The following DCAF8L2 variants were observed in gnomAD, a reference collection of about 807,000 sequenced individuals.
DCAF8L2 encodes DDB1- and CUL4-associated factor 8-like protein 2.
For synonymous variants in DCAF8L2, 200 were observed against 190.9 expected (o/e 1.05, Z -0.39); for missense variants, 430 against 490.7 (o/e 0.88, Z 1.17).
At position 27,694,943 on chromosome X, in the gene DCAF8L2, T is replaced by G. The variant is rs190362967; in HGVS notation, c.-143+17031T>G. Among the ~76,000 whole-genome samples the G allele has an allele frequency of 1.7e-3, 195 of 112,322 alleles. 2 individuals carry two copies. Among genetic ancestry groups the G allele is most frequent in the African/African-American group, 5.9e-3 (183 of 31,004 alleles). ...CAACTACACTGTAGGATATTTTTAT[T>G]CAAGAAGGACCACCTCATAGAGTTG... On this transcript the variant is annotated intron_variant, in intron 3 of 4. Coordinates refer to ENST00000451261, the MANE Select transcript of DCAF8L2 (RefSeq NM_001353450.2).
the DCAF8L2 span, among the ~76,000 whole-genome samples, chrX:27,554,283 T>C: frequency 8.9e-6 from 1 of 111,769 alleles, no homozygotes; most frequent in Non-Finnish European, 1.9e-5. Context: ...CACATAAAGA[T>C]TCTCATCTCC....
chrX:27,523,399 C>G, the DCAF8L2 span, among the ~76,000 whole-genome samples: 1 of 79,881 alleles, frequency 1.3e-5, no homozygotes, highest in East Asian at 4.4e-4. Flanking sequence ...AGCTAGCTTT[C>G]TGTCTACTGA....
the DCAF8L2 span, among the ~76,000 whole-genome samples, chrX:27,514,486 G>A: frequency 3.8e-5 from 4 of 105,915 alleles, no homozygotes; most frequent in Non-Finnish European, 7.8e-5. Flanking sequence ...CGGCTAAAAC[G>A]GTGAAACCCC....
At chrX:27,553,444 A>G in the DCAF8L2 span, among the ~76,000 whole-genome samples, 3 of 111,193 alleles carry the variant, frequency 2.7e-5, no homozygotes, top group Admixed American at 2.9e-4. Flanking sequence ...TGTTGGGTGC[A>G]TATGTGTTTA....
chrX:27,553,551 T>C, the DCAF8L2 span, among the ~76,000 whole-genome samples: 3 of 111,388 alleles, frequency 2.7e-5, no homozygotes, highest in African/African-American at 9.8e-5. Flanking sequence ...TTACTGTTTA[T>C]CTGATATCAG....
At chrX:27,649,860 T>C (rs1211583691) in intron 2 of DCAF8L2, among the ~76,000 whole-genome samples, 1 of 111,907 alleles carries the variant, frequency 8.9e-6, no homozygotes, top group Admixed American at 9.6e-5. Flanking sequence ...GAGGACTTAG[T>C]CATATATTCT....
At chrX:27,514,687 AAAAAAAAAC>A in the DCAF8L2 span, among the ~76,000 whole-genome samples, 1,312 of 79,378 alleles carry the variant, frequency 0.017, 151 homozygotes, top group African/African-American at 0.054. Context: ...AAAAAAAAAA[AAAAAAAAAC>A]AAAAAAAAAA....
At chrX:27,575,019 G>A in the DCAF8L2 span, among the ~76,000 whole-genome samples, 2 of 111,660 alleles carry the variant, frequency 1.8e-5, no homozygotes, top group Non-Finnish European at 3.8e-5. Flanking sequence ...CGGATCACGC[G>A]TGGGCTTGGA....
intron 4 of DCAF8L2, among the ~76,000 whole-genome samples, chrX:27,743,067 TTTTA>T (rs1391481538): frequency 8.9e-6 from 1 of 112,105 alleles, no homozygotes; most frequent in African/African-American, 3.2e-5. Flanking sequence ...GTTCTCACAC[TTTTA>T]TTTTTTATTT....
intron 3 of DCAF8L2, among the ~76,000 whole-genome samples, chrX:27,685,058 A>T (rs886553660): frequency 1.8e-5 from 2 of 111,821 alleles, no homozygotes; most frequent in African/African-American, 6.5e-5. Context: ...AGGATGTGAT[A>T]TCCTCTCATC....
chrX:27,663,318 G>C (rs138178126), intron 2 of DCAF8L2, among the ~76,000 whole-genome samples: 1,692 of 111,922 alleles, frequency 0.015, 27 homozygotes, highest in African/African-American at 0.052. Context: ...TTTTTGTTTT[G>C]TTTTATATTT....
intron 3 of DCAF8L2, among the ~76,000 whole-genome samples, chrX:27,689,402 A>T (rs1182436432): frequency 9.0e-6 from 1 of 111,338 alleles, no homozygotes; most frequent in Non-Finnish European, 1.9e-5. Flanking sequence ...ACACCACCAC[A>T]CCCAGCTAAT....
the DCAF8L2 span, among the ~76,000 whole-genome samples, chrX:27,574,244 AG>A: frequency 9.0e-6 from 1 of 111,528 alleles, no homozygotes; most frequent in South Asian, 3.8e-4. Context: ...ACATATCGAC[AG>A]TACAGGAAGA....
intron 3 of DCAF8L2, among the ~76,000 whole-genome samples, chrX:27,687,855 A>C (rs953691801): frequency 1.8e-5 from 2 of 111,696 alleles, no homozygotes. Context: ...TTCTGTCTTT[A>C]TAAAGGTATC....
chrX:27,557,401 A>C, the DCAF8L2 span, among the ~76,000 whole-genome samples: 1 of 112,071 alleles, frequency 8.9e-6, no homozygotes, highest in Non-Finnish European at 1.9e-5. Context: ...TGTCATTTTC[A>C]TATTCTAGGA....
intron 4 of DCAF8L2, among the ~76,000 whole-genome samples, chrX:27,722,670 GTA>G (rs1160419364): frequency 1.8e-5 from 2 of 110,770 alleles, no homozygotes; most frequent in Non-Finnish European, 3.8e-5. Flanking sequence ...GTGTGCATGT[GTA>G]TAATCTTAAA....
intron 1 of DCAF8L2, among the ~76,000 whole-genome samples, chrX:27,608,588 A>G (rs1404776058): frequency 9.0e-6 from 1 of 111,670 alleles, no homozygotes; most frequent in Non-Finnish European, 1.9e-5. Flanking sequence ...GTCTGCACGT[A>G]AGGGAAGACC....
chrX:27,496,815 C>T, the DCAF8L2 span, among the ~76,000 whole-genome samples: 1 of 112,019 alleles, frequency 8.9e-6, no homozygotes, highest in African/African-American at 3.2e-5. Flanking sequence ...GAAAAACTTC[C>T]TGTTAAAGTG....
the DCAF8L2 span, among the ~76,000 whole-genome samples, chrX:27,492,204 T>A: frequency 8.9e-6 from 1 of 112,085 alleles, no homozygotes; most frequent in Admixed American, 9.5e-5. Context: ...ATCATGATGG[T>A]TTTGAAGATC....
Sources: gnomAD v4.1 joint callset for allele counts (sites outside exome capture counted in the v4.1 genomes callset) on GRCh38, gnomAD v4.1.1 for gene constraint, MANE v1.5 for transcripts, NCBI Gene and HGNC (gene_info 2026-07-23, HGNC 2026-07-21) for gene names.